Variants in MAP4 observed in about 807,000 individuals in gnomAD.
The protein encoded by MAP4 is microtubule associated protein 4, also known as microtubule-associated protein 4.
MAP4 carries 76 observed loss-of-function variants against 170.2 expected under a neutral mutation model. That is an observed-to-expected ratio of 0.45 (90% CI 0.37 to 0.54). The LOEUF (loss-of-function observed/expected upper bound fraction) is 0.54. Among genes scored for constraint, MAP4 ranks in the 20% least tolerant of loss-of-function variants. MAP4 has a pLI of 0.00. For synonymous variants in MAP4, 909 were observed against 994.5 expected, an observed-to-expected ratio of 0.91 and a Z score of 1.62; for missense variants, 2,506 against 2,748.0, an observed-to-expected ratio of 0.91 and a Z score of 1.97.
intron 3 of MAP4, among the ~76,000 whole-genome samples, chr3:47,930,377 G>A (rs866750847): frequency 6.0e-5 from 9 of 150,862 alleles, no homozygotes; most frequent in Non-Finnish European, 1.2e-4. Context: ...CCCGGGAAGC[G>A]GAGCTTGCAG....
chr3:47,909,485 A>C lies in MAP4; in HGVS notation c.4936T>G (p.Ser1646Ala). 1 of 1,613,800 alleles carries C rather than the reference A, an allele frequency of 6.2e-7. No individual in the cohort carries two copies. The highest frequency in any genetic ancestry group is 2.2e-5 in the East Asian group (1 of 44,888). ...CEDQNAQDRN[S>A]KGSDSLNKKV... ...TTATTCAAACTATCTGAACCTTTGG[A>C]ATTTCTATCTTGAGCATTTTGGTCC... Residue 1646 changes from serine (S) to alanine (A), a missense_variant, in exon 9 of 21, where the codon TCC (serine) becomes GCC (alanine). Around this residue, in one of 3 missense-constraint regions of MAP4, gnomAD observed 2,008 missense variants for 2,206.0 expected, o/e 0.91. Coordinates refer to ENST00000683076, the MANE Select transcript of MAP4 (RefSeq NM_001385682.1).
rs186235360 is a variant in MAP4 at position 47,916,178 on chromosome 3, G to A, written c.1649C>T (p.Pro550Leu). 2.4e-5 allele frequency: 39 copies of A among 1,614,196 alleles called. No individual in the cohort carries two copies. Among genetic ancestry groups the A allele is most frequent in the South Asian group, 1.2e-4 (11 of 91,080 alleles). Residue 550 changes from proline to leucine, a missense_variant, in exon 7 of 21, where the codon CCA (proline) becomes CTA (leucine). Transcript: ENST00000683076. ...CAGGGGTGCTTCTGTTTTGAGGGCT[G>A]GGACCTGATCCTCAGTCAGGGCCAC... is the stretch of plus-strand genomic sequence containing the variant. ...MEVALTEDQVPALKTEAPLAK... is the reference protein window; with the variant it reads ...MEVALTEDQVLALKTEAPLAK...
rs757371857 is a variant in MAP4, at chr3:47,921,855, C to G, written c.439G>C (p.Asp147His). The G allele has an allele frequency of 6.4e-7, 1 of 1,565,060 alleles. No individual in the cohort carries two copies. Among genetic ancestry groups the G allele is most frequent in the Admixed American group, 1.7e-5 (1 of 59,948 alleles). The change falls in exon 5 of 21, where the codon GAT becomes CAT. Residue 147 changes from aspartate (D) to histidine (H), a missense_variant. Transcript: ENST00000683076. The part of the protein sequence containing the change: ...QTDPFKMYHD[D>H]DLADLVFPSS... ...GGAAAGACCAAATCTGCCAGGTCAT[C>G]ATCATGGTACATCTTAAAGGGATCT...
chr3:47,910,616 C>T lies in MAP4; in HGVS notation c.3805G>A (p.Asp1269Asn). The T allele has an allele frequency of 6.5e-7, 1 of 1,536,108 alleles. No individual in the cohort carries two copies. Among genetic ancestry groups the T allele is most frequent in the Non-Finnish European group, 8.7e-7 (1 of 1,146,902 alleles). ...TCTGGTGTATGTGAGAACGAAGAAT[C>T]ATGCATTTTGGGGAAAGTAAATCCT... The part of the protein sequence containing the change: ...EIGFTFPKMH[D>N]SSFSHTPDTP... The change falls in exon 9 of 21, where the codon GAT (aspartate) becomes AAT (asparagine). Residue 1269 changes from aspartate (D) to asparagine (N), a missense_variant. Physicochemically the swap from Asp to Asn is conservative, Grantham distance 23 (BLOSUM62 1). Around this residue, in one of 3 missense-constraint regions of MAP4, gnomAD observed 2,008 missense variants for 2,206.0 expected, o/e 0.91. Coordinates refer to ENST00000683076, the MANE Select transcript of MAP4 (RefSeq NM_001385682.1).
intron 11 of MAP4, among the ~76,000 whole-genome samples, chr3:47,876,200 C>T (rs1056542550): frequency 2.0e-5 from 3 of 149,082 alleles, no homozygotes; most frequent in African/African-American, 4.9e-5. Flanking sequence ...GTGGCGATCT[C>T]GGCTCACTGC....
At chr3:48,062,194 T>C (rs1240859622) in intron 1 of MAP4, among the ~76,000 whole-genome samples, 1 of 152,174 alleles carries the variant, frequency 6.6e-6, no homozygotes, top group Non-Finnish European at 1.5e-5. Context: ...ATCTATGACC[T>C]TACCCCCAAC....
intron 9 of MAP4, among the ~76,000 whole-genome samples, chr3:47,905,600 T>A (rs1475743517): frequency 1.3e-5 from 2 of 148,890 alleles, no homozygotes; most frequent in Non-Finnish European, 3.0e-5. Flanking sequence ...CAATTTAAAA[T>A]GAAAAATATT....
intron 2 of MAP4, among the ~76,000 whole-genome samples, chr3:47,991,530 C>G (rs562912971): frequency 1.6e-4 from 25 of 152,240 alleles, no homozygotes; most frequent in Non-Finnish European, 3.1e-4. Context: ...AAGCAAGGCA[C>G]GCGCACCTGT....
At chr3:47,962,618 T>C (rs2100072312) in intron 3 of MAP4, among the ~76,000 whole-genome samples, 1 of 152,208 alleles carries the variant, frequency 6.6e-6, no homozygotes, top group African/African-American at 2.4e-5. Context: ...GTCTCCTGAA[T>C]AGACTCTGAT....
At chr3:47,905,460 A>T (rs2100032400) in intron 9 of MAP4, among the ~76,000 whole-genome samples, 1 of 151,886 alleles carries the variant, frequency 6.6e-6, no homozygotes, top group South Asian at 2.1e-4. Context: ...TCAGTGGGAG[A>T]TCGATTATAA....
At chr3:48,080,980 C>T (rs1252437051) in intron 1 of MAP4, among the ~76,000 whole-genome samples, 1 of 152,156 alleles carries the variant, frequency 6.6e-6, no homozygotes, top group East Asian at 1.9e-4. Context: ...AAAAATTAGC[C>T]AGGCGTGGTG....
intron 3 of MAP4, among the ~76,000 whole-genome samples, chr3:47,953,868 G>A (rs2100066099): frequency 6.6e-6 from 1 of 151,922 alleles, no homozygotes; most frequent in Non-Finnish European, 1.5e-5. Flanking sequence ...ACAAAAATTA[G>A]CCAGGTGTGG....
chr3:47,995,535 G>A (rs1474616981), intron 2 of MAP4, among the ~76,000 whole-genome samples: 2 of 152,228 alleles, frequency 1.3e-5, no homozygotes, highest in African/African-American at 4.8e-5. Context: ...ACAGGCGTGA[G>A]CCACTGCACC....
intron 3 of MAP4, among the ~76,000 whole-genome samples, chr3:47,948,389 A>T (rs2100061512): frequency 6.6e-6 from 1 of 151,696 alleles, no homozygotes; most frequent in African/African-American, 2.4e-5. Flanking sequence ...ATGTGCCACC[A>T]TGCCAGGCTA....
chr3:48,047,717 A>G (rs977450901), intron 1 of MAP4, among the ~76,000 whole-genome samples: 5 of 152,202 alleles, frequency 3.3e-5, no homozygotes, highest in African/African-American at 1.2e-4. Flanking sequence ...TTGTAAACAC[A>G]TGGGTGTTTT....
At chr3:47,860,238 C>G (rs1275395953) in intron 17 of MAP4, among the ~76,000 whole-genome samples, 1 of 152,246 alleles carries the variant, frequency 6.6e-6, no homozygotes, top group Non-Finnish European at 1.5e-5. Flanking sequence ...GAGACAGGGT[C>G]TCACTCTGCC....
intron 3 of MAP4, among the ~76,000 whole-genome samples, chr3:47,933,602 T>A (rs1250750924): frequency 2.1e-5 from 1 of 47,626 alleles, no homozygotes; most frequent in Admixed American, 2.1e-4. Flanking sequence ...CCTGCCCAGC[T>A]TTTTTTTTTT....
chr3:48,080,397 C>T (rs572326008), intron 1 of MAP4, among the ~76,000 whole-genome samples: 3 of 152,292 alleles, frequency 2.0e-5, no homozygotes, highest in Middle Eastern at 3.4e-3. Context: ...ATTGTTTTTG[C>T]TCTCAATACT....
In MAP4 at chr3:47,856,927, C is replaced by T. The variant is rs142903037; in HGVS notation, c.6583+504G>A. Reference sequence around the variant, plus strand: ...CTCCGCACAGCGACTTCCACAGGGGCGCTGGGCCAACCATGTTGCTGGAAG... The same window carrying T: ...CTCCGCACAGCGACTTCCACAGGGGTGCTGGGCCAACCATGTTGCTGGAAG... On this transcript the variant is annotated intron_variant, in intron 18 of 20. Transcript: ENST00000683076. 3.5e-4 allele frequency among the ~76,000 whole-genome samples: 53 copies of T among 152,346 alleles called. 1 individual carries two copies. The highest frequency in any genetic ancestry group is 5.1e-4 in the Non-Finnish European group (35 of 68,032).
Sources: allele counts gnomAD v4.1 joint callset (sites outside exome capture counted in the v4.1 genomes callset), GRCh38; gene constraint gnomAD v4.1.1; regional missense constraint gnomAD v4.1.1; transcripts MANE v1.5; gene names NCBI Gene and HGNC (gene_info 2026-07-23, HGNC 2026-07-21).